SDK1: variants seen among roughly 807,000 people sequenced by gnomAD.
The protein encoded by SDK1 is protein sidekick-1.
Under a neutral mutation model 245.5 loss-of-function variants are expected in SDK1, and 157 were observed. The ratio of observed to expected loss-of-function variants is 0.64; its 90% CI spans 0.56 to 0.73. The LOEUF (loss-of-function observed/expected upper bound fraction) is 0.73. Among genes scored for constraint, SDK1 ranks in the 30% least tolerant of loss-of-function variants. The pLI is 0.00. For synonymous variants in SDK1, 1,647 were observed against 1,278.5 expected, an observed-to-expected ratio of 1.29 and a Z score of -6.15; for missense variants, 3,583 against 3,002.3, an observed-to-expected ratio of 1.19 and a Z score of -4.52.
At chr7:4,229,929 A>C (rs1325380111) in intron 40 of SDK1, among the ~76,000 whole-genome samples, 1 of 151,434 alleles carries the variant, frequency 6.6e-6, no homozygotes, top group African/African-American at 2.4e-5. Flanking sequence ...GAGAAAGCCC[A>C]TGGGATACAA....
chr7:3,851,600 A>T (rs1020532554), intron 5 of SDK1, among the ~76,000 whole-genome samples: 1 of 150,416 alleles, frequency 6.6e-6, no homozygotes, highest in Admixed American at 6.6e-5. Flanking sequence ...TGCCGGTGTT[A>T]TGAGGATGTG....
chr7:3,354,119 C>T (rs1394132324), intron 1 of SDK1, among the ~76,000 whole-genome samples: 4 of 151,810 alleles, frequency 2.6e-5, no homozygotes, highest in Non-Finnish European at 5.9e-5. Flanking sequence ...CAGCCTCAGC[C>T]TCCCAAGTAG....
chr7:3,872,924 C>T (rs1266493844), intron 5 of SDK1, among the ~76,000 whole-genome samples: 2 of 152,100 alleles, frequency 1.3e-5, no homozygotes, highest in African/African-American at 4.8e-5. Flanking sequence ...CTTTTACATA[C>T]AGTATCAACA....
chr7:3,360,342 G>A (rs1223184353), intron 1 of SDK1, among the ~76,000 whole-genome samples: 1 of 152,274 alleles, frequency 6.6e-6, no homozygotes, highest in Non-Finnish European at 1.5e-5. Context: ...AACTACTGGG[G>A]CAGATTCTCA....
intron 1 of SDK1, among the ~76,000 whole-genome samples, chr7:3,482,235 T>C (rs1781543632): frequency 6.6e-6 from 1 of 152,158 alleles, no homozygotes; most frequent in Non-Finnish European, 1.5e-5. Flanking sequence ...AGGAGAGATG[T>C]AAAAAACTAT....
At chr7:4,162,001 A>C in intron 32 of SDK1, 145 bp downstream of exon 32, 1 of 632,832 alleles carries the variant, frequency 1.6e-6, no homozygotes, top group East Asian at 2.8e-5. Flanking sequence ...CCTCAGACTC[A>C]AAAACGCGAG....
chr7:3,998,815 C>T (rs1784865306), intron 14 of SDK1, among the ~76,000 whole-genome samples: 1 of 152,300 alleles, frequency 6.6e-6, no homozygotes, highest in Non-Finnish European at 1.5e-5. Context: ...TCCGTGCAGT[C>T]GGCGTCTCCA....
In SDK1 at chr7:3,615,298, CTGTT is replaced by C. The variant is rs542503592; in HGVS notation, c.299-3779_299-3776del. Among the ~76,000 whole-genome samples the C allele has an allele frequency of 3.3e-3, 497 of 151,666 alleles. 18 individuals carry two copies. Among genetic ancestry groups the C allele is most frequent in the Middle Eastern group, 6.8e-3 (2 of 294 alleles). ...TCCATTGCAGTTCAGCTTTATTAGA[CTGTT>C]TGGGTAATAAGAGGAGATGATTTTT... On this transcript the variant is annotated intron_variant, in intron 1 of 44. Coordinates refer to ENST00000404826, the MANE Select transcript of SDK1 (RefSeq NM_152744.4).
chr7:3,408,384 T>G (rs1236090984), intron 1 of SDK1, among the ~76,000 whole-genome samples: 1 of 152,178 alleles, frequency 6.6e-6, no homozygotes, highest in African/African-American at 2.4e-5. Context: ...ATTCACTGTA[T>G]GACTAAAATG....
At chr7:4,208,372 C>A (rs1276549591) in intron 37 of SDK1, 87 bp downstream of exon 37, 3 of 1,246,492 alleles carry the variant, frequency 2.4e-6, no homozygotes, top group Non-Finnish European at 2.3e-6. Flanking sequence ...CACAGTGGTT[C>A]CCGGCCCGCC....
intron 1 of SDK1, among the ~76,000 whole-genome samples, chr7:3,351,101 C>G (rs910897471): frequency 4.6e-5 from 7 of 152,146 alleles, no homozygotes; most frequent in African/African-American, 1.4e-4. Flanking sequence ...TGGTTACTGA[C>G]TAAGCTGCAG....
At chr7:3,508,093 C>T (rs544601642) in intron 1 of SDK1, among the ~76,000 whole-genome samples, 1 of 152,146 alleles carries the variant, frequency 6.6e-6, no homozygotes, top group Non-Finnish European at 1.5e-5. Flanking sequence ...TAAACTGCTA[C>T]TGATAGTCAG....
chr7:3,776,458 T>G (rs973317344), intron 4 of SDK1, among the ~76,000 whole-genome samples: 1 of 152,246 alleles, frequency 6.6e-6, no homozygotes, highest in Admixed American at 6.5e-5. Flanking sequence ...ACATTTGACA[T>G]TTCTGGTTCA....
intron 4 of SDK1, among the ~76,000 whole-genome samples, chr7:3,776,457 A>G (rs971182181): frequency 6.6e-6 from 1 of 152,202 alleles, no homozygotes; most frequent in Non-Finnish European, 1.5e-5. Flanking sequence ...CACATTTGAC[A>G]TTTCTGGTTC....
chr7:4,217,334 G>A (rs1314814701), intron 38 of SDK1, among the ~76,000 whole-genome samples: 7 of 123,538 alleles, frequency 5.7e-5, no homozygotes, highest in African/African-American at 1.8e-4. Flanking sequence ...CAGGCCACCC[G>A]GAGAACCACG....
At chr7:4,256,158 G>A (rs1052170146) in intron 44 of SDK1, among the ~76,000 whole-genome samples, 7 of 152,142 alleles carry the variant, frequency 4.6e-5, no homozygotes, top group African/African-American at 1.4e-4. Context: ...GACCTCAAGT[G>A]ATCCGCCTGC....
chr7:3,722,624 C>CG (rs776023051), intron 4 of SDK1, among the ~76,000 whole-genome samples: 1 of 152,188 alleles, frequency 6.6e-6, no homozygotes, highest in Non-Finnish European at 1.5e-5. Context: ...TCCGGACACA[C>CG]GGGGTGCTTA....
In SDK1 at chr7:3,559,578, A is replaced by T. The variant is rs141072612; in HGVS notation, c.299-59502A>T. On this transcript the variant is annotated intron_variant, in intron 1 of 44. Transcript: ENST00000404826. ...AGTCATTCATTGACGCTCTTTTCTG[A>T]TTCACCACCAGTGTCTTGCAAGAGC... Among the ~76,000 whole-genome samples the T allele has an allele frequency of 1.1e-3, 162 of 152,212 alleles. 1 individual carries two copies. Among genetic ancestry groups the T allele is most frequent in the African/African-American group, 3.7e-3 (154 of 41,522 alleles).
At chr7:3,836,884 G>GT (rs1780039634) in intron 5 of SDK1, among the ~76,000 whole-genome samples, 1 of 152,126 alleles carries the variant, frequency 6.6e-6, no homozygotes, top group African/African-American at 2.4e-5. Flanking sequence ...TGCCAGCCAG[G>GT]TTGGTGTCTC....
Sources: gnomAD v4.1 joint callset for allele counts (sites outside exome capture counted in the v4.1 genomes callset) on GRCh38, gnomAD v4.1.1 for gene constraint, MANE v1.5 for transcripts, NCBI Gene and HGNC (gene_info 2026-07-23, HGNC 2026-07-21) for gene names.